SCHIP1: variants seen among roughly 807,000 people sequenced by gnomAD.
SCHIP1 encodes the protein schwannomin-interacting protein 1.
SCHIP1 carries 8 observed loss-of-function variants against 29.7 expected under a neutral mutation model. The ratio of observed to expected loss-of-function variants is 0.27; its 90% CI spans 0.16 to 0.49. The LOEUF (loss-of-function observed/expected upper bound fraction) is 0.49, where lower values mean the gene tolerates loss of function less well. Ranked by LOEUF, SCHIP1 falls within the 20% of genes least tolerant of loss-of-function variation. The probability of loss-of-function intolerance (pLI) is 0.99; values close to 1 mark genes in which losing one functional copy is unlikely to be tolerated. For synonymous variants in SCHIP1, 76 were observed against 94.9 expected (o/e 0.80, Z 1.16); for missense variants, 193 against 294.6 (o/e 0.66, Z 2.52).
intron 1 of SCHIP1, among the ~76,000 whole-genome samples, chr3:159,842,312 G>A (rs1744291813): frequency 6.6e-6 from 1 of 152,048 alleles, no homozygotes; most frequent in African/African-American, 2.4e-5. Flanking sequence ...GGCTTCAGGG[G>A]CCATTCCCCT....
chr3:159,845,798 G>C (rs1711746131), intron 1 of SCHIP1: 1 of 152,134 alleles, frequency 6.6e-6, no homozygotes, highest in Non-Finnish European at 1.5e-5. Flanking sequence ...TTATGCAATT[G>C]TTGATGTTCT....
the SCHIP1 span, among the ~76,000 whole-genome samples, chr3:159,633,587 G>A: frequency 2.6e-5 from 4 of 152,184 alleles, no homozygotes; most frequent in Admixed American, 1.3e-4. Context: ...CTGGAAGCAT[G>A]AAAAGAATGG....
the SCHIP1 span, among the ~76,000 whole-genome samples, chr3:159,302,832 C>T: frequency 6.6e-6 from 1 of 152,176 alleles, no homozygotes; most frequent in African/African-American, 2.4e-5. Context: ...TGGGAAACCC[C>T]TCAGTCCTGG....
At chr3:159,294,573 A>G in the SCHIP1 span, among the ~76,000 whole-genome samples, 1 of 152,222 alleles carries the variant, frequency 6.6e-6, no homozygotes, top group Non-Finnish European at 1.5e-5. Context: ...TATTGTCTGC[A>G]TATGCAGACA....
chr3:159,667,872 C>T, the SCHIP1 span, among the ~76,000 whole-genome samples: 1 of 152,224 alleles, frequency 6.6e-6, no homozygotes, highest in Non-Finnish European at 1.5e-5. Context: ...AGTCTCACCA[C>T]GGATGCTGCA....
At chr3:159,489,819 G>A in the SCHIP1 span, among the ~76,000 whole-genome samples, 1 of 152,030 alleles carries the variant, frequency 6.6e-6, no homozygotes, top group African/African-American at 2.4e-5. Flanking sequence ...TCTAAGACAT[G>A]TTGATAAACA....
At chr3:159,343,571 A>C in the SCHIP1 span, among the ~76,000 whole-genome samples, 2 of 152,216 alleles carry the variant, frequency 1.3e-5, no homozygotes, top group African/African-American at 4.8e-5. Flanking sequence ...CAAGAGGGCA[A>C]GCAGACAATC....
At chr3:159,712,809 A>AAAAGAAAGAAAGAAGAGAGAAAG in the SCHIP1 span, among the ~76,000 whole-genome samples, 1 of 151,270 alleles carries the variant, frequency 6.6e-6, no homozygotes, top group South Asian at 2.1e-4. Context: ...GAGAGAAAGA[A>AAAAGAAAGAAAGAAGAGAGAAAG]AAAGAAAGAA....
At chr3:159,644,427 T>G in the SCHIP1 span, among the ~76,000 whole-genome samples, 1 of 152,116 alleles carries the variant, frequency 6.6e-6, no homozygotes, top group Admixed American at 6.6e-5. Flanking sequence ...AAAAAGTGAT[T>G]GTTTTCTCGA....
chr3:159,343,413 G>C, the SCHIP1 span, among the ~76,000 whole-genome samples: 1 of 152,212 alleles, frequency 6.6e-6, no homozygotes, highest in Non-Finnish European at 1.5e-5. Context: ...TCGTAGGAGT[G>C]TAGGAAAGCC....
At chr3:159,382,881 C>CT in the SCHIP1 span, among the ~76,000 whole-genome samples, 1 of 151,820 alleles carries the variant, frequency 6.6e-6, no homozygotes, top group Admixed American at 6.6e-5. Context: ...TTTTGCATGT[C>CT]TTTTTTGGCT....
chr3:159,830,926 A>G, the SCHIP1 span, among the ~76,000 whole-genome samples: 1,982 of 152,308 alleles, frequency 0.013, 51 homozygotes, highest in African/African-American at 0.045. Context: ...CACAATATTT[A>G]TATGTCCAGC....
At chr3:159,759,901 C>G in the SCHIP1 span, among the ~76,000 whole-genome samples, 1 of 152,168 alleles carries the variant, frequency 6.6e-6, no homozygotes, top group African/African-American at 2.4e-5. Flanking sequence ...TCAAATATTT[C>G]AATCATGTCC....
At chr3:159,459,890 A>G in the SCHIP1 span, among the ~76,000 whole-genome samples, 9 of 152,316 alleles carry the variant, frequency 5.9e-5, no homozygotes, top group East Asian at 1.5e-3. Context: ...AGGAACATCC[A>G]GAAGCCAAGG....
chr3:159,575,215 G>C, the SCHIP1 span, among the ~76,000 whole-genome samples: 2 of 152,186 alleles, frequency 1.3e-5, no homozygotes, highest in African/African-American at 2.4e-5. Flanking sequence ...GACCGGAGCT[G>C]TTCCTATTCA....
chr3:159,827,430 G>A, the SCHIP1 span, among the ~76,000 whole-genome samples: 1 of 152,152 alleles, frequency 6.6e-6, no homozygotes, highest in Non-Finnish European at 1.5e-5. Context: ...TTATGTTTCT[G>A]TCCTGTGTTC....
At chr3:159,376,422 G>A in the SCHIP1 span, among the ~76,000 whole-genome samples, 2 of 152,136 alleles carry the variant, frequency 1.3e-5, no homozygotes, top group African/African-American at 2.4e-5. Flanking sequence ...GCCAACAGCT[G>A]TGGCCACCTG....
At chr3:159,638,801 G>T in the SCHIP1 span, among the ~76,000 whole-genome samples, 1 of 151,840 alleles carries the variant, frequency 6.6e-6, no homozygotes, top group Non-Finnish European at 1.5e-5. Context: ...TATTACATAT[G>T]CATACGTATT....
the SCHIP1 span, among the ~76,000 whole-genome samples, chr3:159,500,146 GTTTT>G: frequency 6.8e-6 from 1 of 146,766 alleles, no homozygotes; most frequent in African/African-American, 2.5e-5. Flanking sequence ...TTGTTTTTTT[GTTTT>G]TTTTTTAATC....
Sources: allele counts gnomAD v4.1 joint callset (sites outside exome capture counted in the v4.1 genomes callset), GRCh38; gene constraint gnomAD v4.1.1; transcripts MANE v1.5; gene names NCBI Gene and HGNC (gene_info 2026-07-23, HGNC 2026-07-21).